SLC9A3: variants seen among roughly 807,000 people sequenced by gnomAD.
SLC9A3 encodes sodium/hydrogen exchanger 3.
A neutral mutation model predicts 86.8 loss-of-function variants in SLC9A3; 37 were observed. The observed-to-expected ratio is 0.43, with a 90% CI of 0.33 to 0.56. The LOEUF is 0.56. Ranked by LOEUF, SLC9A3 falls within the 20% of genes least tolerant of loss-of-function variation. SLC9A3 has a pLI of 0.06. For missense variants in SLC9A3, 1,011 were observed against 1,171.9 expected, an observed-to-expected ratio of 0.86 and a Z score of 2.00; for synonymous variants, 581 against 528.3, an observed-to-expected ratio of 1.10 and a Z score of -1.37.
rs200821685 is a variant in SLC9A3, at chr5:477,349, G to C, written c.1743C>G (p.Ala581=). 132 of 1,607,738 alleles carry C rather than the reference G, an allele frequency of 8.2e-5. 1 individual carries two copies. The highest frequency in any genetic ancestry group is 1.7e-4 in the Middle Eastern group (1 of 6,052). The stretch of plus-strand genomic sequence containing the variant: ...CCACATACAGGAGGTAGGAGACAGA[G>C]GCCTCCACGGTGGACGATCGTGGCG... The part of the protein sequence containing the change: ...DFTPRSSTVE[A]SVSYLLRENV... The change falls in exon 11 of 17, where the codon GCC becomes GCG. Residue 581 remains alanine, a synonymous_variant. Transcript: ENST00000264938.
At chr5:509,457 AGGAGGGAGGGAGGGAAGGAG>A (rs1740778932) in intron 1 of SLC9A3, among the ~76,000 whole-genome samples, 1 of 115,620 alleles carries the variant, frequency 8.6e-6, no homozygotes, top group Non-Finnish European at 1.7e-5. Context: ...GAAGGAAGGA[AGGAGGGAGGGAGGGAAGGAG>A]GGAGGGAGGG....
At chr5:475,803 C>T (rs1738689236) in intron 14 of SLC9A3, 132 bp from the exon 15 acceptor site, 2 of 699,390 alleles carry the variant, frequency 2.9e-6, no homozygotes, top group Admixed American at 5.0e-5. Context: ...GGCTAAACCG[C>T]AGGGCTGGAG....
intron 12 of SLC9A3, 45 bp downstream of exon 12, chr5:476,498 C>T (rs377009334): frequency 1.9e-6 from 3 of 1,604,544 alleles, no homozygotes; most frequent in African/African-American, 1.3e-5. Context: ...AGCCGCCCCA[C>T]GGGGTCCCTG....
chr5:485,866 A>C (rs965752423), intron 3 of SLC9A3, among the ~76,000 whole-genome samples: 1 of 152,094 alleles, frequency 6.6e-6, no homozygotes, highest in African/African-American at 2.4e-5. Context: ...TGGGGGGCCC[A>C]TGAGGGTCCC....
intron 1 of SLC9A3, among the ~76,000 whole-genome samples, chr5:509,619 A>C (rs1026814338): frequency 6.6e-6 from 1 of 152,180 alleles, no homozygotes; most frequent in African/African-American, 2.4e-5. Flanking sequence ...AACCGCGGAC[A>C]GGCATCACCA....
In SLC9A3 at chr5:497,636, T is replaced by C. The variant is rs1740081311; in HGVS notation, c.212-5565A>G. Among the ~76,000 whole-genome samples the C allele has an allele frequency of 6.6e-6, 1 of 152,324 alleles. No homozygotes were observed. Among genetic ancestry groups the C allele is most frequent in the Admixed American group, 6.5e-5 (1 of 15,302 alleles). On this transcript the variant is annotated intron_variant, in intron 1 of 16. Coordinates refer to ENST00000264938, the MANE Select transcript of SLC9A3 (RefSeq NM_004174.4). The surrounding 1 kb of genome is among the most constrained non-coding windows in gnomAD (Gnocchi z 5.4). Reference sequence around the variant, plus strand: ...ATTCCTCCACTTCAAAGAAGCTTCCTGAAGCTTCCAGATCCCCTGCAGCCC... The same window carrying C: ...ATTCCTCCACTTCAAAGAAGCTTCCCGAAGCTTCCAGATCCCCTGCAGCCC...
rs760091656 is a variant in SLC9A3 at position 475,145 on chromosome 5, G to T, written c.2252-13C>A. The T allele has an allele frequency of 6.4e-7, 1 of 1,560,596 alleles. No homozygotes were observed. The highest frequency in any genetic ancestry group is 8.7e-7 in the Non-Finnish European group (1 of 1,152,102). On this transcript the variant is annotated splice_polypyrimidine_tract_variant and intron_variant, in intron 15 of 16. Transcript: ENST00000264938. ...GGGTTGTCAATTCCTAGGAGAGAGGGCAGCGGCTAGTCAGCCTTCGGAGAG... is the reference window on the plus strand; with the variant it reads ...GGGTTGTCAATTCCTAGGAGAGAGGTCAGCGGCTAGTCAGCCTTCGGAGAG...
At chr5:520,761 G>A (rs900763553) in intron 1 of SLC9A3, among the ~76,000 whole-genome samples, 1 of 151,968 alleles carries the variant, frequency 6.6e-6, no homozygotes, top group Non-Finnish European at 1.5e-5. Flanking sequence ...TCTCCTTCCA[G>A]GGGCCCATTG....
chr5:472,475 C>G lies in SLC9A3; in HGVS notation c.*904G>C. Reference sequence around the variant, plus strand: ...GCCCGCCAGGCCACCTCTCACCCAGCCAGGGCACCCCGGGCGACCTCCGCG... The same window carrying G: ...GCCCGCCAGGCCACCTCTCACCCAGGCAGGGCACCCCGGGCGACCTCCGCG... On this transcript the variant is annotated 3_prime_UTR_variant, in exon 17 of 17. Transcript: ENST00000264938. The G allele has an allele frequency of 3.0e-6, 1 of 335,304 alleles. No homozygotes were observed. The highest frequency in any genetic ancestry group is 2.1e-5 in the South Asian group (1 of 47,140). The allele number at this position is 335,304 out of a possible 1,614,324, so 20.8% of individuals were successfully genotyped here. A position where few individuals can be genotyped will look rare whatever the true frequency, so the allele number is the denominator to read the frequency against.
intron 11 of SLC9A3, 116 bp downstream of exon 11, chr5:477,216 C>A: frequency 1.5e-6 from 1 of 684,920 alleles, no homozygotes; most frequent in South Asian, 2.0e-5. Flanking sequence ...TCTTTCTGCA[C>A]CTCTCCCCTC....
intron 1 of SLC9A3, among the ~76,000 whole-genome samples, chr5:492,934 T>A (rs954106518): frequency 1.3e-5 from 2 of 152,072 alleles, no homozygotes; most frequent in African/African-American, 2.4e-5. Context: ...GTCCCGCCAC[T>A]CCACTCCGCA....
At position 471,456 on chromosome 5, in the gene SLC9A3, C is replaced by G; in HGVS notation, c.*1923G>C. On this transcript the variant is annotated 3_prime_UTR_variant, in exon 17 of 17. Transcript: ENST00000264938. The stretch of plus-strand genomic sequence containing the variant: ...GCACTTGGAAGGCAGCTTTGCTCCT[C>G]TGGCCACCCGGAAACCTCCCAGCAG... The G allele has an allele frequency of 3.0e-6, 1 of 330,152 alleles. No homozygotes were observed. The highest frequency in any genetic ancestry group is 2.4e-5 in the South Asian group (1 of 41,232). The allele number at this position is 330,152 out of a possible 1,614,324, so 20.5% of individuals were successfully genotyped here.
In SLC9A3 at chr5:483,361, T is replaced by C; in HGVS notation, c.1054A>G (p.Met352Val). 6.4e-7 allele frequency: 1 copy of C among 1,571,046 alleles called. No individual in the cohort carries two copies. The highest frequency in any genetic ancestry group is 8.6e-7 in the Non-Finnish European group (1 of 1,158,544). Residue 352 changes from methionine (M) to valine (V), a missense_variant, in exon 6 of 17, where the codon ATG (methionine) becomes GTG (valine). Physicochemically the swap from Met to Val is conservative, Grantham distance 21. Around this residue, in one of 3 missense-constraint regions of SLC9A3, gnomAD observed 565 missense variants for 790.0 expected, o/e 0.72. Coordinates refer to ENST00000264938, the MANE Select transcript of SLC9A3 (RefSeq NM_004174.4). ...LASSAETIIFMFLGISAVNPF... is the reference protein window; with the variant it reads ...LASSAETIIFVFLGISAVNPF... ...TTCACGGCCGAGATACCCAGGAACA[T>C]GAAGATGATGGTCTCGGCGCTGCTG... is the stretch of plus-strand genomic sequence containing the variant.
chr5:475,010 G>C lies in SLC9A3; in HGVS notation c.2374C>G (p.Pro792Ala), dbSNP rs368047255. Residue 792 changes from proline (P) to alanine (A), a missense_variant, in exon 16 of 17, where the codon CCC (proline) becomes GCC (alanine). Physicochemically the swap from Pro to Ala is conservative, Grantham distance 27. Coordinates refer to ENST00000264938, the MANE Select transcript of SLC9A3 (RefSeq NM_004174.4). ...VPSQRARTQI[P>A]YSPGTFCRLM... is the part of the protein sequence containing the mutation. The stretch of plus-strand genomic sequence containing the variant: ...CGGCAGAAGGTGCCGGGAGAGTAGG[G>C]AATCTGCGTGCGGGCCCTCTGCGAG... The C allele has an allele frequency of 4.3e-6, 7 of 1,612,268 alleles. No individual in the cohort carries two copies. Among genetic ancestry groups the C allele is most frequent in the Non-Finnish European group, 5.9e-6 (7 of 1,179,788 alleles).
chr5:518,842 T>TG (rs1318009739), intron 1 of SLC9A3, among the ~76,000 whole-genome samples: 4 of 151,908 alleles, frequency 2.6e-5, no homozygotes, highest in Non-Finnish European at 4.4e-5. Flanking sequence ...GGGAGTGGGC[T>TG]GGGGGGGCTG....
At chr5:515,101 T>G (rs774588439) in intron 1 of SLC9A3, among the ~76,000 whole-genome samples, 1 of 152,002 alleles carries the variant, frequency 6.6e-6, no homozygotes, top group African/African-American at 2.4e-5. Context: ...TGGGGAGACA[T>G]GGGGAGATTT....
At chr5:480,007 G>A (rs781082547) in intron 9 of SLC9A3, 42 bp from the exon 10 acceptor site, 337 of 1,592,800 alleles carry the variant, frequency 2.1e-4, no homozygotes, top group Non-Finnish European at 2.7e-4. Flanking sequence ...GGTGACAGGC[G>A]CCCTAGAGCC....
intron 1 of SLC9A3, among the ~76,000 whole-genome samples, chr5:506,398 G>A (rs1382873961): frequency 6.6e-5 from 10 of 152,296 alleles, no homozygotes; most frequent in Non-Finnish European, 1.0e-4. Flanking sequence ...GCATTCTCAC[G>A]CGAGGTGTGC....
chr5:503,927 G>C (rs1740421575), intron 1 of SLC9A3, among the ~76,000 whole-genome samples: 1 of 152,178 alleles, frequency 6.6e-6, no homozygotes, highest in African/African-American at 2.4e-5. Context: ...CAGAGCTCTT[G>C]GGGGGTTCCC....
Sources: allele counts gnomAD v4.1 joint callset (sites outside exome capture counted in the v4.1 genomes callset), GRCh38; gene constraint gnomAD v4.1.1; regional missense constraint gnomAD v4.1.1; non-coding constraint Gnocchi (gnomAD v3.1); transcripts MANE v1.5; gene names NCBI Gene and HGNC (gene_info 2026-07-23, HGNC 2026-07-21).